Variants in WAC observed in about 807,000 individuals in gnomAD.
The protein encoded by WAC is WW domain-containing adapter protein with coiled-coil.
In WAC, 11 loss-of-function variants were observed where a neutral mutation model predicts 79.6. The observed-to-expected ratio is 0.14, with a 90% CI of 0.09 to 0.23. WAC has a LOEUF of 0.23. Among genes scored for constraint, WAC ranks in the 10% least tolerant of loss-of-function variants. The probability of loss-of-function intolerance (pLI) is 1.00; values close to 1 mark genes in which losing one functional copy is unlikely to be tolerated. For missense variants in WAC, 728 were observed against 773.5 expected (o/e 0.94, Z 0.70); for synonymous variants, 304 against 276.9 (o/e 1.10, Z -0.97).
chr10:28,573,607 G>A (rs1839091702), intron 3 of WAC, among the ~76,000 whole-genome samples: 1 of 152,156 alleles, frequency 6.6e-6, no homozygotes, highest in Non-Finnish European at 1.5e-5. Flanking sequence ...AGCATCCCAT[G>A]GGATTAGGTG....
At chr10:28,585,526 T>A (rs1839774936) in intron 4 of WAC, among the ~76,000 whole-genome samples, 1 of 151,452 alleles carries the variant, frequency 6.6e-6, no homozygotes, top group Non-Finnish European at 1.5e-5. Flanking sequence ...TTGTGATGGG[T>A]CATTTTCTTT....
intron 12 of WAC, 152 bp downstream of exon 12, chr10:28,616,514 A>G (rs996369069): frequency 1.4e-5 from 11 of 763,640 alleles, no homozygotes; most frequent in South Asian, 8.7e-5. Context: ...TATTTGATAT[A>G]TAAGATAACT....
chr10:28,551,888 G>A (rs956648817), intron 3 of WAC, among the ~76,000 whole-genome samples: 6 of 147,146 alleles, frequency 4.1e-5, no homozygotes, highest in African/African-American at 1.5e-4. Context: ...GCAGTGGCAC[G>A]ATCTCGGCTC....
At chr10:28,563,744 C>CTTTTTT (rs71281550) in intron 3 of WAC, among the ~76,000 whole-genome samples, 708 of 67,808 alleles carry the variant, frequency 0.01, 36 homozygotes, top group East Asian at 0.028. Context: ...CTACACCCAG[C>CTTTTTT]TTTTTTTTTT....
At position 28,617,692 on chromosome 10, in the gene WAC, A is replaced by T; in HGVS notation, c.1782A>T (p.Gly594=). The stretch of plus-strand genomic sequence containing the variant: ...TACGCGAAGAAGCGCATAACATGGG[A>T]ACTATTCACATGTCCGAAATTTGTA... ...SRLREEAHNM[G]TIHMSEICTE... is the part of the protein sequence containing the mutation. Residue 594 remains glycine, a synonymous_variant, in exon 13 of 14, where the codon GGA becomes GGT. Transcript: ENST00000354911. 3.1e-6 allele frequency: 5 copies of T among 1,595,152 alleles called. No individual in the cohort carries two copies. Among genetic ancestry groups the T allele is most frequent in the Non-Finnish European group, 4.3e-6 (5 of 1,174,564 alleles).
At chr10:28,596,565 T>TG (rs1840380360) in intron 7 of WAC, among the ~76,000 whole-genome samples, 1 of 152,150 alleles carries the variant, frequency 6.6e-6, no homozygotes, top group Non-Finnish European at 1.5e-5. Flanking sequence ...CAACCCAAAT[T>TG]GCGTTTATCC....
chr10:28,583,414 C>T lies in WAC; in HGVS notation c.290C>T (p.Pro97Leu). The change falls in exon 4 of 14, where the codon CCA becomes CTA. Residue 97 changes from proline to leucine, a missense_variant. Pro to Leu is a moderately conservative substitution (Grantham distance 98). Around this residue, in one of 3 missense-constraint regions of WAC, gnomAD observed 648 missense variants for 661.5 expected, o/e 0.98. Transcript: ENST00000354911. Reference protein sequence around the residue: ...RERDGGTSYSPQENSHNHSAL... With the variant: ...RERDGGTSYSLQENSHNHSAL... ...TTTTTTTAAGGGACCAGTTACTCTC[C>T]ACAAGAAAATTCACACAACCACAGT... The T allele has an allele frequency of 6.3e-7, 1 of 1,582,864 alleles. No homozygotes were observed. The highest frequency in any genetic ancestry group is 8.6e-7 in the Non-Finnish European group (1 of 1,168,442).
In WAC at chr10:28,582,683, A is replaced by T. The variant is rs1479192001; in HGVS notation, c.275-716A>T. Among the ~76,000 whole-genome samples the T allele has an allele frequency of 2.6e-5, 4 of 152,304 alleles. No individual in the cohort carries two copies. In the East Asian group the frequency reaches 7.7e-4, roughly 29 times the overall value. ...CTTCTGTGGTGAACCTTTTTGTGTC[A>T]TTCATCAAAGTGTTTTTGCAAGTCT... On this transcript the variant is annotated intron_variant, in intron 3 of 13. Transcript: ENST00000354911.
chr10:28,583,544 A>C, intron 4 of WAC, 39 bp downstream of exon 4: 3 of 1,177,842 alleles, frequency 2.5e-6, no homozygotes, highest in Non-Finnish European at 3.3e-6. Context: ...TTTCTTTGGA[A>C]TTTTTTGCAA....
intron 3 of WAC, among the ~76,000 whole-genome samples, chr10:28,540,100 C>T (rs1836928034): frequency 6.6e-6 from 1 of 152,000 alleles, no homozygotes; most frequent in African/African-American, 2.4e-5. Flanking sequence ...TTGAAATATG[C>T]TTTGAGTTAG....
At chr10:28,576,847 T>C (rs1197014218) in intron 3 of WAC, among the ~76,000 whole-genome samples, 3 of 152,196 alleles carry the variant, frequency 2.0e-5, no homozygotes, top group Non-Finnish European at 2.9e-5. Flanking sequence ...TTCAATTATA[T>C]TTATTATTTA....
chr10:28,611,491 C>A, intron 9 of WAC: 2 of 1,370,728 alleles, frequency 1.5e-6, no homozygotes, highest in South Asian at 1.3e-5. Context: ...GGTGAGGAGG[C>A]CTTCCATGTG....
chr10:28,609,367 TAAATAA>T (rs999087027), intron 8 of WAC, among the ~76,000 whole-genome samples: 1 of 152,136 alleles, frequency 6.6e-6, no homozygotes, highest in Non-Finnish European at 1.5e-5. Flanking sequence ...CATCTCAAAA[TAAATAA>T]AAATAAAGTG....
chr10:28,553,848 T>G (rs551276825), intron 3 of WAC, among the ~76,000 whole-genome samples: 1 of 152,290 alleles, frequency 6.6e-6, no homozygotes, highest in South Asian at 2.1e-4. Context: ...TACATTGTAA[T>G]AGGTATCATA....
chr10:28,610,812 T>C lies in WAC; in HGVS notation c.1279T>C (p.Ser427Pro). The change falls in exon 9 of 14, where the codon TCT (serine) becomes CCT (proline). Residue 427 changes from serine to proline, a missense_variant. Physicochemically the swap from Ser to Pro is moderately conservative, Grantham distance 74. Around this residue, in one of 3 missense-constraint regions of WAC, gnomAD observed 648 missense variants for 661.5 expected, o/e 0.98. Coordinates refer to ENST00000354911, the MANE Select transcript of WAC (RefSeq NM_016628.5). ...TCTGATTTCTCAAGCTGCTCAGCTC[T>C]CTACACAAGGTATTCTTACTCATCT... ...TSLISQAAQLSTQAQPSNQSP... is the reference protein window; with the variant it reads ...TSLISQAAQLPTQAQPSNQSP... 1.2e-6 allele frequency: 2 copies of C among 1,607,530 alleles called. No homozygotes were observed. Among genetic ancestry groups the C allele is most frequent in the Non-Finnish European group, 1.7e-6 (2 of 1,178,080 alleles).
At chr10:28,610,133 A>G (rs938218552) in intron 8 of WAC, among the ~76,000 whole-genome samples, 1 of 151,870 alleles carries the variant, frequency 6.6e-6, no homozygotes, top group Non-Finnish European at 1.5e-5. Flanking sequence ...GGGTTTCACT[A>G]TGTTGGGCAG....
At chr10:28,543,497 C>T (rs1324627836) in intron 3 of WAC, among the ~76,000 whole-genome samples, 2 of 152,228 alleles carry the variant, frequency 1.3e-5, no homozygotes, top group South Asian at 2.1e-4. Context: ...TTAATTGCCA[C>T]ATGTGAATGA....
intron 3 of WAC, among the ~76,000 whole-genome samples, chr10:28,540,730 T>A (rs1324728019): frequency 6.6e-6 from 1 of 152,228 alleles, no homozygotes; most frequent in Non-Finnish European, 1.5e-5. Flanking sequence ...CTTTTTTCAT[T>A]GATTTATGCT....
intron 3 of WAC, among the ~76,000 whole-genome samples, chr10:28,577,358 T>G (rs1179829173): frequency 4.6e-5 from 7 of 152,202 alleles, no homozygotes; most frequent in Admixed American, 4.6e-4. Flanking sequence ...TGAAAGTAAT[T>G]GATTTCCATG....
Sources: allele counts gnomAD v4.1 joint callset (sites outside exome capture counted in the v4.1 genomes callset), GRCh38; gene constraint gnomAD v4.1.1; regional missense constraint gnomAD v4.1.1; transcripts MANE v1.5; gene names NCBI Gene and HGNC (gene_info 2026-07-23, HGNC 2026-07-21).